The following EYS variants were observed in gnomAD, a reference collection of about 807,000 sequenced individuals.
The protein encoded by EYS is protein eyes shut homolog.
EYS carries 250 observed loss-of-function variants against 282.1 expected under a neutral mutation model. That is an observed-to-expected ratio of 0.89 (90% CI 0.80 to 0.98). The LOEUF is 0.98. Among genes scored for constraint, EYS ranks in the 50% least tolerant of loss-of-function variants. EYS has a pLI of 0.00. For synonymous variants in EYS, 1,355 were observed against 1,282.9 expected (o/e 1.06, Z -1.20); for missense variants, 4,016 against 3,709.0 (o/e 1.08, Z -2.15).
chr6:65,128,367 T>C (rs1775777239), intron 12 of EYS, among the ~76,000 whole-genome samples: 1 of 151,910 alleles, frequency 6.6e-6, no homozygotes, highest in African/African-American at 2.4e-5. Context: ...GGCATCACAA[T>C]AAGAAAAGAA....
intron 18 of EYS, among the ~76,000 whole-genome samples, chr6:64,893,752 T>C (rs1446644870): frequency 6.6e-6 from 1 of 151,966 alleles, no homozygotes; most frequent in African/African-American, 2.4e-5. Flanking sequence ...TTCATGTTGC[T>C]GAAATATTTT....
intron 22 of EYS, among the ~76,000 whole-genome samples, chr6:64,658,242 G>T (rs1207418254): frequency 6.6e-6 from 1 of 152,076 alleles, no homozygotes; most frequent in Admixed American, 6.5e-5. Flanking sequence ...GATTATTCTA[G>T]TTATCCGTTC....
intron 14 of EYS, among the ~76,000 whole-genome samples, chr6:64,957,122 C>T (rs899865584): frequency 1.3e-5 from 2 of 152,158 alleles, no homozygotes; most frequent in African/African-American, 4.8e-5. Flanking sequence ...ATCTTCACTT[C>T]CATGTTTGTT....
At chr6:64,390,072 A>T (rs899345767) in intron 28 of EYS, among the ~76,000 whole-genome samples, 3 of 152,002 alleles carry the variant, frequency 2.0e-5, no homozygotes, top group Non-Finnish European at 4.4e-5. Context: ...CAACGGGCTT[A>T]AAAAACGGCA....
rs554217394 is a variant in EYS at position 64,658,578 on chromosome 6, G to A, written c.3444-32333C>T. Reference sequence around the variant, plus strand: ...TGTCAGTTTTTCTTCTAACAGTCAGGACCCTCAGCTGGAGGTCTGTTGGAG... The same window carrying A: ...TGTCAGTTTTTCTTCTAACAGTCAGAACCCTCAGCTGGAGGTCTGTTGGAG... On this transcript the variant is annotated intron_variant, in intron 22 of 42. Coordinates refer to ENST00000503581, the MANE Select transcript of EYS (RefSeq NM_001142800.2). Among the ~76,000 whole-genome samples, 9 of 152,292 alleles carry A rather than the reference G, an allele frequency of 5.9e-5. No individual in the cohort carries two copies. The South Asian group carries it at 1.9e-3, about 32-fold the overall frequency.
chr6:64,208,620 G>T (rs140303190), intron 31 of EYS, among the ~76,000 whole-genome samples: 86 of 152,198 alleles, frequency 5.7e-4, no homozygotes, highest in African/African-American at 1.9e-3. Flanking sequence ...TGTATAAAAT[G>T]TAAATATTTT....
At chr6:64,896,336 G>T (rs542585034) in intron 18 of EYS, among the ~76,000 whole-genome samples, 1 of 152,092 alleles carries the variant, frequency 6.6e-6, no homozygotes, top group Non-Finnish European at 1.5e-5. Context: ...AAGGGGTCAG[G>T]GGCCTCCCTC....
At chr6:64,592,658 T>C (rs1766449153) in intron 25 of EYS, among the ~76,000 whole-genome samples, 1 of 152,102 alleles carries the variant, frequency 6.6e-6, no homozygotes, top group Non-Finnish European at 1.5e-5. Flanking sequence ...AGTTAAAGAA[T>C]TGGACATGTA....
chr6:65,156,091 G>A (rs1291648097), intron 12 of EYS, among the ~76,000 whole-genome samples: 1 of 151,314 alleles, frequency 6.6e-6, no homozygotes. Flanking sequence ...ATGGTGAAGG[G>A]AGGAAGGAGA....
intron 5 of EYS, among the ~76,000 whole-genome samples, chr6:65,431,303 G>A (rs187498645): frequency 1.7e-4 from 26 of 152,114 alleles, no homozygotes; most frequent in Admixed American, 1.7e-3. Context: ...CTGTATCTTG[G>A]GTTGGTACTT....
At chr6:64,275,623 AG>A (rs1768084375) in intron 30 of EYS, among the ~76,000 whole-genome samples, 1 of 149,902 alleles carries the variant, frequency 6.7e-6, no homozygotes. Context: ...TCACCGTGTT[AG>A]CCAGGATGGT....
At chr6:65,253,813 G>C (rs770383858) in intron 12 of EYS, among the ~76,000 whole-genome samples, 4 of 151,730 alleles carry the variant, frequency 2.6e-5, no homozygotes, top group Admixed American at 6.6e-5. Flanking sequence ...ATTGTAAATG[G>C]AAACTTTTTT....
At chr6:64,932,960 G>A (rs1768775323) in intron 15 of EYS, among the ~76,000 whole-genome samples, 2 of 152,024 alleles carry the variant, frequency 1.3e-5, no homozygotes, top group African/African-American at 4.8e-5. Context: ...GATGTACCAA[G>A]TTATGCTATT....
chr6:64,279,616 C>T (rs1229266391), intron 30 of EYS, among the ~76,000 whole-genome samples: 1 of 152,132 alleles, frequency 6.6e-6, no homozygotes, highest in East Asian at 1.9e-4. Flanking sequence ...TGTATTAACA[C>T]GCAGGTCTTG....
At chr6:64,079,297 T>C (rs1036089857) in intron 32 of EYS, among the ~76,000 whole-genome samples, 3 of 152,114 alleles carry the variant, frequency 2.0e-5, no homozygotes, top group African/African-American at 4.8e-5. Flanking sequence ...GGGGAATAAA[T>C]GATACTGGCC....
chr6:64,419,803 C>T (rs1256691574), intron 28 of EYS, among the ~76,000 whole-genome samples: 1 of 152,230 alleles, frequency 6.6e-6, no homozygotes, highest in Admixed American at 6.5e-5. Context: ...CTCCTGGCTG[C>T]TTTCAGGGGC....
intron 35 of EYS, among the ~76,000 whole-genome samples, chr6:63,886,355 GT>G (rs1773260845): frequency 6.6e-6 from 1 of 152,088 alleles, no homozygotes; most frequent in Non-Finnish European, 1.5e-5. Context: ...AGTTTTCTAG[GT>G]TAGATAACAT....
intron 12 of EYS, among the ~76,000 whole-genome samples, chr6:65,269,616 A>G (rs771616543): frequency 6.6e-6 from 1 of 152,134 alleles, no homozygotes; most frequent in African/African-American, 2.4e-5. Context: ...ACAAAGTACC[A>G]TATACTAGGT....
intron 33 of EYS, among the ~76,000 whole-genome samples, chr6:64,057,317 A>G (rs1220440059): frequency 1.3e-5 from 2 of 152,056 alleles, no homozygotes; most frequent in East Asian, 1.9e-4. Flanking sequence ...TTGATGAAGC[A>G]TGAGCAACTT....
Sources: allele counts gnomAD v4.1 joint callset (sites outside exome capture counted in the v4.1 genomes callset), GRCh38; gene constraint gnomAD v4.1.1; transcripts MANE v1.5; gene names NCBI Gene and HGNC (gene_info 2026-07-23, HGNC 2026-07-21).